Variants in DHRS7B observed in about 807,000 individuals in gnomAD.
DHRS7B encodes peroxisomal reductase activating PPAR-gamma.
DHRS7B carries 24 observed loss-of-function variants against 26.4 expected under a neutral mutation model. The observed-to-expected ratio is 0.91, with a 90% CI of 0.66 to 1.28. The LOEUF is 1.28. Among genes scored for constraint, DHRS7B ranks in the 50% most tolerant of loss-of-function variants. The pLI, the probability that DHRS7B is intolerant of heterozygous loss-of-function variation, is 0.00. For synonymous variants in DHRS7B, 142 were observed against 166.4 expected (o/e 0.85, Z 1.13); for missense variants, 368 against 419.4 (o/e 0.88, Z 1.07).
chr17:21,169,811 C>T (rs907398619), intron 1 of DHRS7B, among the ~76,000 whole-genome samples: 1 of 152,102 alleles, frequency 6.6e-6, no homozygotes, highest in Non-Finnish European at 1.5e-5. Context: ...CCTAGTGGGG[C>T]TCTGGGTCCC....
chr17:21,172,858 C>A (rs968386154), intron 2 of DHRS7B, among the ~76,000 whole-genome samples: 3 of 152,234 alleles, frequency 2.0e-5, no homozygotes, highest in Admixed American at 6.5e-5. Context: ...AACCTGGGTT[C>A]CCCCTTCTCC....
chr17:21,143,958 A>G (rs1184210978), intron 1 of DHRS7B, among the ~76,000 whole-genome samples: 2 of 152,240 alleles, frequency 1.3e-5, no homozygotes, highest in Non-Finnish European at 2.9e-5. Flanking sequence ...AAACAGAGAG[A>G]TGAATCAAGT....
At chr17:21,127,817 ATAC>A (rs2143825552) in intron 1 of DHRS7B, 1 of 152,328 alleles carries the variant, frequency 6.6e-6, no homozygotes, top group Non-Finnish European at 1.5e-5. Context: ...TCACACACTC[ATAC>A]ATTTAGTAAG....
At chr17:21,159,126 G>A (rs116670632) in intron 1 of DHRS7B, among the ~76,000 whole-genome samples, 411 of 152,212 alleles carry the variant, frequency 2.7e-3, no homozygotes, top group African/African-American at 9.5e-3. Flanking sequence ...CATGATCCAT[G>A]AAAGAAATAA....
chr17:21,183,011 G>C (rs890109865), intron 3 of DHRS7B, among the ~76,000 whole-genome samples: 5 of 152,144 alleles, frequency 3.3e-5, no homozygotes, highest in African/African-American at 1.2e-4. Context: ...GAAGCCATCC[G>C]GTCCAGGACT....
chr17:21,186,420 C>G (rs963910946), intron 5 of DHRS7B, among the ~76,000 whole-genome samples: 2 of 152,188 alleles, frequency 1.3e-5, no homozygotes, highest in Admixed American at 1.3e-4. Context: ...CTTCCCTGTC[C>G]CCAAGCCTGG....
At chr17:21,164,030 C>CTTTTTTTTTTTTTTTT (rs35189205) in intron 1 of DHRS7B, among the ~76,000 whole-genome samples, 1,382 of 96,654 alleles carry the variant, frequency 0.014, 173 homozygotes, top group Non-Finnish European at 0.017. Flanking sequence ...AATTGTTGTG[C>CTTTTTTTTTTTTTTTT]TTTTTTTTTT....
At chr17:21,171,845 C>A in intron 1 of DHRS7B, 173 bp from the exon 2 acceptor site, 1 of 794,372 alleles carries the variant, frequency 1.3e-6, no homozygotes, top group Non-Finnish European at 2.2e-6. Flanking sequence ...GAAAGTTCTA[C>A]AATGCTGAAC....
chr17:21,169,713 G>A (rs986326551), intron 1 of DHRS7B, among the ~76,000 whole-genome samples: 1 of 152,162 alleles, frequency 6.6e-6, no homozygotes, highest in Non-Finnish European at 1.5e-5. Flanking sequence ...TCAGCCCCAG[G>A]TTGTCAATTT....
chr17:21,157,693 C>G (rs534153118), intron 1 of DHRS7B, among the ~76,000 whole-genome samples: 1 of 151,824 alleles, frequency 6.6e-6, no homozygotes, highest in East Asian at 1.9e-4. Flanking sequence ...GACCCTGTCT[C>G]AAAACAAAAC....
At chr17:21,156,661 C>T (rs1973887675) in intron 1 of DHRS7B, among the ~76,000 whole-genome samples, 2 of 151,672 alleles carry the variant, frequency 1.3e-5, no homozygotes, top group South Asian at 2.1e-4. Context: ...GCCTGTAATC[C>T]CAGCACTTTA....
At chr17:21,153,822 A>G (rs1442322258) in intron 1 of DHRS7B, among the ~76,000 whole-genome samples, 3 of 152,152 alleles carry the variant, frequency 2.0e-5, no homozygotes, top group Non-Finnish European at 4.4e-5. Flanking sequence ...AACTCTTAAT[A>G]CTATTGGATT....
intron 1 of DHRS7B, among the ~76,000 whole-genome samples, chr17:21,131,045 G>C (rs1973219385): frequency 6.6e-6 from 1 of 152,212 alleles, no homozygotes; most frequent in Non-Finnish European, 1.5e-5. Context: ...AAACTGCTTA[G>C]TGGAGGGAGA....
In DHRS7B at chr17:21,165,341, C is replaced by CT. The variant is rs200927241; in HGVS notation, c.21-6668dup. On this transcript the variant is annotated intron_variant, in intron 1 of 6. Coordinates refer to ENST00000395511, the MANE Select transcript of DHRS7B (RefSeq NM_015510.5). ...GTGTCTTCTGGTAACACTATATTCACTTTTTTTTTCTTTTTTTTGGGACAG... is the reference window on the plus strand; with the variant it reads ...GTGTCTTCTGGTAACACTATATTCACTTTTTTTTTTCTTTTTTTTGGGACAG... 8.0e-4 allele frequency among the ~76,000 whole-genome samples: 121 copies of CT among 151,388 alleles called. 3 individuals carry two copies. In the East Asian group the frequency reaches 0.015, roughly 19 times the overall value.
At chr17:21,133,665 G>C (rs964711654) in intron 1 of DHRS7B, among the ~76,000 whole-genome samples, 5 of 152,172 alleles carry the variant, frequency 3.3e-5, no homozygotes, top group Admixed American at 6.5e-5. Context: ...AAGCATTTTA[G>C]AAGAAAATGA....
intron 1 of DHRS7B, among the ~76,000 whole-genome samples, chr17:21,148,199 G>A (rs1973682986): frequency 6.6e-6 from 1 of 151,844 alleles, no homozygotes; most frequent in South Asian, 2.1e-4. Context: ...ACAGGGAGAA[G>A]CCACCATGCC....
At chr17:21,148,687 A>T (rs1597737293) in intron 1 of DHRS7B, among the ~76,000 whole-genome samples, 1 of 152,220 alleles carries the variant, frequency 6.6e-6, no homozygotes, top group Non-Finnish European at 1.5e-5. Context: ...CGGAGGTTGC[A>T]GTGAGCCAAG....
At chr17:21,167,798 A>G (rs1174010248) in intron 1 of DHRS7B, among the ~76,000 whole-genome samples, 1 of 152,190 alleles carries the variant, frequency 6.6e-6, no homozygotes, top group African/African-American at 2.4e-5. Flanking sequence ...TGATCTGGCT[A>G]TATATCTGAA....
At chr17:21,161,921 A>T (rs1974009284) in intron 1 of DHRS7B, among the ~76,000 whole-genome samples, 1 of 152,078 alleles carries the variant, frequency 6.6e-6, no homozygotes, top group South Asian at 2.1e-4. Flanking sequence ...CAGTGTACTA[A>T]ACGTTTTCAG....
Sources: allele counts gnomAD v4.1 joint callset (sites outside exome capture counted in the v4.1 genomes callset), GRCh38; gene constraint gnomAD v4.1.1; transcripts MANE v1.5; gene names NCBI Gene and HGNC (gene_info 2026-07-23, HGNC 2026-07-21).